The following RNLS variants were observed in gnomAD, a reference collection of about 807,000 sequenced individuals.
RNLS encodes the protein renalase.
RNLS carries 39 observed loss-of-function variants against 39.8 expected under a neutral mutation model. The ratio of observed to expected loss-of-function variants is 0.98; its 90% CI spans 0.76 to 1.28. RNLS has a LOEUF of 1.28. RNLS is among the 50% of genes most tolerant of loss of function. The pLI, the probability that RNLS is intolerant of heterozygous loss-of-function variation, is 0.00. For missense variants in RNLS, 410 were observed against 413.3 expected, an observed-to-expected ratio of 0.99 and a Z score of 0.07; for synonymous variants, 147 against 150.7, an observed-to-expected ratio of 0.98 and a Z score of 0.18.
At chr10:88,427,644 A>T (rs1370735641) in intron 4 of RNLS, among the ~76,000 whole-genome samples, 1 of 152,018 alleles carries the variant, frequency 6.6e-6, no homozygotes, top group Non-Finnish European at 1.5e-5. Flanking sequence ...GCCAAATAAA[A>T]ATCTACTTAC....
chr10:88,188,115 G>A, the RNLS span, among the ~76,000 whole-genome samples: 1 of 152,030 alleles, frequency 6.6e-6, no homozygotes, highest in Non-Finnish European at 1.5e-5. Flanking sequence ...GGACTGCAGT[G>A]GTGCAATCTC....
At chr10:88,565,395 C>A (rs1849433581) in intron 4 of RNLS, among the ~76,000 whole-genome samples, 1 of 152,054 alleles carries the variant, frequency 6.6e-6, no homozygotes, top group South Asian at 2.1e-4. Flanking sequence ...AGACATTAAC[C>A]AATTCTTCAT....
the RNLS span, among the ~76,000 whole-genome samples, chr10:88,242,807 C>T: frequency 4.6e-5 from 7 of 152,056 alleles, no homozygotes; most frequent in African/African-American, 1.2e-4. Flanking sequence ...ATTAGCCAGG[C>T]GTGGTGGTGC....
intron 4 of RNLS, among the ~76,000 whole-genome samples, chr10:88,509,016 G>C (rs1191095593): frequency 2.0e-5 from 3 of 151,954 alleles, no homozygotes; most frequent in African/African-American, 4.8e-5. Context: ...GGTGGGGGTG[G>C]GGGGGCTGGT....
chr10:88,357,657 T>C (rs1849293819), intron 5 of RNLS, among the ~76,000 whole-genome samples: 1 of 152,222 alleles, frequency 6.6e-6, no homozygotes. Context: ...CCTACATATA[T>C]AGGTAGACTA....
intron 5 of RNLS, 127 bp downstream of exon 5, chr10:88,362,425 T>A: frequency 1.3e-6 from 1 of 797,576 alleles, no homozygotes; most frequent in African/African-American, 1.7e-5. Flanking sequence ...ACATTAAATT[T>A]TATCCCCTGT....
At chr10:88,428,984 T>C (rs2133799867) in intron 4 of RNLS, among the ~76,000 whole-genome samples, 1 of 152,062 alleles carries the variant, frequency 6.6e-6, no homozygotes, top group Middle Eastern at 3.4e-3. Context: ...GTTTGAAAGA[T>C]AAAGGCTTAC....
At chr10:88,194,639 A>C in the RNLS span, among the ~76,000 whole-genome samples, 1 of 152,228 alleles carries the variant, frequency 6.6e-6, no homozygotes, top group Non-Finnish European at 1.5e-5. Context: ...GTGATGTTCA[A>C]AGTCTTGTTT....
At chr10:88,239,672 C>T in the RNLS span, among the ~76,000 whole-genome samples, 256 of 152,332 alleles carry the variant, frequency 1.7e-3, 1 homozygote, top group Non-Finnish European at 3.1e-3. Context: ...TCCTTTCTTT[C>T]CCAGGCTGGG....
chr10:88,263,143 T>C, the RNLS span, among the ~76,000 whole-genome samples: 73 of 152,028 alleles, frequency 4.8e-4, no homozygotes, highest in Non-Finnish European at 8.5e-4. Context: ...ATAATGATAA[T>C]AATAAAGATG....
intron 5 of RNLS, among the ~76,000 whole-genome samples, chr10:88,357,828 A>C (rs765665099): frequency 5.3e-5 from 8 of 152,184 alleles, no homozygotes; most frequent in Non-Finnish European, 1.2e-4. Context: ...CTATGAGCAC[A>C]CTGACTCTGG....
intron 4 of RNLS, among the ~76,000 whole-genome samples, chr10:88,393,711 C>T (rs1042007695): frequency 5.9e-5 from 9 of 152,070 alleles, no homozygotes; most frequent in African/African-American, 2.2e-4. Context: ...TCATATGGAA[C>T]CAAAAAAGAG....
intron 4 of RNLS, among the ~76,000 whole-genome samples, chr10:88,550,657 G>A (rs557479663): frequency 6.6e-6 from 1 of 152,236 alleles, no homozygotes; most frequent in South Asian, 2.1e-4. Context: ...TAACTAAGGT[G>A]TTTATAAACA....
At chr10:88,469,885 T>G (rs1237698596) in intron 4 of RNLS, among the ~76,000 whole-genome samples, 1 of 150,028 alleles carries the variant, frequency 6.7e-6, no homozygotes, top group Non-Finnish European at 1.5e-5. Context: ...TCTAAATTTC[T>G]TACACCTAAA....
At chr10:88,501,906 GTA>G (rs1178403370) in intron 4 of RNLS, among the ~76,000 whole-genome samples, 2 of 152,018 alleles carry the variant, frequency 1.3e-5, no homozygotes, top group Non-Finnish European at 2.9e-5. Flanking sequence ...TTGAGACCTG[GTA>G]TAATAATATG....
chr10:88,336,350 C>T (rs79879698), intron 5 of RNLS, among the ~76,000 whole-genome samples: 2,737 of 152,272 alleles, frequency 0.018, 45 homozygotes, highest in South Asian at 0.065. Flanking sequence ...AAAACTAATA[C>T]GCATGTATGT....
At chr10:88,510,971 G>GT (rs913296189) in intron 4 of RNLS, among the ~76,000 whole-genome samples, 1 of 144,720 alleles carries the variant, frequency 6.9e-6, no homozygotes, top group Non-Finnish European at 1.5e-5. Flanking sequence ...ATTCATCCAC[G>GT]TAAGAAGACA....
chr10:88,209,303 C>T, the RNLS span, among the ~76,000 whole-genome samples: 4 of 152,082 alleles, frequency 2.6e-5, no homozygotes, highest in Admixed American at 2.0e-4. Flanking sequence ...GTTAAGATGC[C>T]GTCATACTGG....
intron 5 of RNLS, among the ~76,000 whole-genome samples, chr10:88,321,096 C>T (rs1250190500): frequency 3.3e-5 from 5 of 151,928 alleles, no homozygotes; most frequent in Admixed American, 2.0e-4. Flanking sequence ...TCATATCAAG[C>T]ATCTTCTCAG....
Sources: gnomAD v4.1 joint callset for allele counts (sites outside exome capture counted in the v4.1 genomes callset) on GRCh38, gnomAD v4.1.1 for gene constraint, MANE v1.5 for transcripts, NCBI Gene and HGNC (gene_info 2026-07-23, HGNC 2026-07-21) for gene names.